The following CAP2 variants were observed in gnomAD, a reference collection of about 807,000 sequenced individuals.
CAP2 encodes adenylyl cyclase-associated protein 2.
CAP2 carries 24 observed loss-of-function variants against 57.7 expected under a neutral mutation model. That is an observed-to-expected ratio of 0.42 (90% CI 0.30 to 0.58). CAP2 has a LOEUF of 0.58. Among genes scored for constraint, CAP2 ranks in the 20% least tolerant of loss-of-function variants. The probability of loss-of-function intolerance (pLI) is 0.22; values close to 1 mark genes in which losing one functional copy is unlikely to be tolerated. For missense variants in CAP2, 501 were observed against 590.3 expected (o/e 0.85, Z 1.57); for synonymous variants, 194 against 207.2 (o/e 0.94, Z 0.55).
At chr6:17,411,686 A>G (rs1353421940) in intron 1 of CAP2, among the ~76,000 whole-genome samples, 1 of 152,188 alleles carries the variant, frequency 6.6e-6, no homozygotes, top group Non-Finnish European at 1.5e-5. Context: ...TTCTGGATAC[A>G]AGGGGAGTAA....
intron 7 of CAP2, among the ~76,000 whole-genome samples, chr6:17,534,398 A>G (rs1388980522): frequency 6.6e-6 from 1 of 152,182 alleles, no homozygotes; most frequent in Non-Finnish European, 1.5e-5. Context: ...CTATGGCTGC[A>G]GTTTCTCAAG....
intron 11 of CAP2, among the ~76,000 whole-genome samples, chr6:17,547,145 A>G (rs1421173366): frequency 6.6e-6 from 1 of 152,230 alleles, no homozygotes; most frequent in Non-Finnish European, 1.5e-5. Context: ...GACCTCTTCA[A>G]GGAGAACTAT....
At chr6:17,506,786 T>C (rs1457844928) in intron 4 of CAP2, among the ~76,000 whole-genome samples, 1 of 152,178 alleles carries the variant, frequency 6.6e-6, no homozygotes, top group Non-Finnish European at 1.5e-5. Context: ...CTTCCGGTCT[T>C]ACCCAAATTT....
intron 4 of CAP2, among the ~76,000 whole-genome samples, chr6:17,499,615 G>A (rs1481959927): frequency 1.3e-5 from 2 of 151,968 alleles, no homozygotes; most frequent in Non-Finnish European, 2.9e-5. Context: ...TTGAGAGGCT[G>A]GGGTGGGAGG....
intron 3 of CAP2, among the ~76,000 whole-genome samples, chr6:17,443,873 ATATGT>A (rs1561785611): frequency 6.6e-6 from 1 of 152,242 alleles, no homozygotes; most frequent in Non-Finnish European, 1.5e-5. Context: ...ATACACACAC[ATATGT>A]TATAACATAT....
At chr6:17,442,899 G>T (rs1394829690) in intron 3 of CAP2, among the ~76,000 whole-genome samples, 1 of 152,014 alleles carries the variant, frequency 6.6e-6, no homozygotes, top group Non-Finnish European at 1.5e-5. Flanking sequence ...TCTGCGTTTA[G>T]TAGAGATGGA....
intron 11 of CAP2, among the ~76,000 whole-genome samples, chr6:17,544,542 A>G (rs1273032698): frequency 1.4e-5 from 2 of 140,276 alleles, no homozygotes; most frequent in African/African-American, 5.0e-5. Context: ...TATAACTTCT[A>G]TCTTTTTTTT....
chr6:17,529,951 C>G (rs371707581), intron 7 of CAP2, among the ~76,000 whole-genome samples: 10 of 150,772 alleles, frequency 6.6e-5, no homozygotes. Context: ...CCCAGGAGTT[C>G]GAGACCAGCT....
chr6:17,459,064 A>G (rs1760655779), intron 3 of CAP2, among the ~76,000 whole-genome samples: 1 of 152,196 alleles, frequency 6.6e-6, no homozygotes, highest in African/African-American at 2.4e-5. Context: ...TCAGGAAAGG[A>G]GAATATGAAG....
chr6:17,438,433 GTTTTTT>G (rs773266583), intron 3 of CAP2, among the ~76,000 whole-genome samples: 2 of 58,374 alleles, frequency 3.4e-5, no homozygotes, highest in Non-Finnish European at 5.7e-5. Flanking sequence ...ATCCAGAAGT[GTTTTTT>G]TTTTTTTTTT....
At chr6:17,458,484 T>C (rs912795485) in intron 3 of CAP2, among the ~76,000 whole-genome samples, 2 of 152,346 alleles carry the variant, frequency 1.3e-5, no homozygotes, top group Admixed American at 6.5e-5. Flanking sequence ...TGACAAGGAA[T>C]GTTAGAAACA....
At chr6:17,407,339 T>G (rs1759004746) in intron 1 of CAP2, among the ~76,000 whole-genome samples, 1 of 151,986 alleles carries the variant, frequency 6.6e-6, no homozygotes, top group African/African-American at 2.4e-5. Context: ...TGAAGCTGGG[T>G]GTGGTGGCTC....
chr6:17,507,987 T>C (rs912632076), intron 6 of CAP2, among the ~76,000 whole-genome samples: 2 of 152,238 alleles, frequency 1.3e-5, no homozygotes, highest in African/African-American at 4.8e-5. Context: ...CATGTCACTA[T>C]CTTATGTATT....
chr6:17,406,077 C>A (rs1265630207), intron 1 of CAP2, among the ~76,000 whole-genome samples: 1 of 151,980 alleles, frequency 6.6e-6, no homozygotes, highest in African/African-American at 2.4e-5. Context: ...TTTGCAAAGC[C>A]TTTGGGACCG....
intron 4 of CAP2, among the ~76,000 whole-genome samples, chr6:17,486,117 G>A (rs552648473): frequency 4.0e-4 from 61 of 152,180 alleles, no homozygotes; most frequent in Non-Finnish European, 4.9e-4. Context: ...GGCTGAGGTC[G>A]GAGGACCCCT....
chr6:17,463,196 A>G, intron 4 of CAP2, 123 bp downstream of exon 4: 2 of 671,784 alleles, frequency 3.0e-6, no homozygotes. Flanking sequence ...CAGCACGTGT[A>G]TGTTCTGTCT....
intron 7 of CAP2, chr6:17,536,211 C>T (rs1375580781): frequency 4.4e-6 from 2 of 456,590 alleles, no homozygotes; most frequent in Non-Finnish European, 8.8e-6. Flanking sequence ...AGAAAGTTCT[C>T]CTGTCATGTG....
rs139477775 is a variant in CAP2 at position 17,482,453 on chromosome 6, A to G, written c.300+19380A>G. ...GAACCTGGGAGGCAGAAGTTGCAGT[A>G]AGCCGAGATCGCGCCACTGCACTGC... On this transcript the variant is annotated intron_variant, in intron 4 of 12. Transcript: ENST00000229922. Among the ~76,000 whole-genome samples, 469 of 147,390 alleles carry G rather than the reference A, an allele frequency of 3.2e-3. 8 individuals carry two copies. Among genetic ancestry groups the G allele is most frequent in the African/African-American group, 0.011 (439 of 39,516 alleles).
At chr6:17,481,733 A>G (rs888860717) in intron 4 of CAP2, among the ~76,000 whole-genome samples, 1 of 152,182 alleles carries the variant, frequency 6.6e-6, no homozygotes, top group African/African-American at 2.4e-5. Context: ...GTCTGAAAAT[A>G]TCCTTCTCTG....
Sources: allele counts gnomAD v4.1 joint callset (sites outside exome capture counted in the v4.1 genomes callset), GRCh38; gene constraint gnomAD v4.1.1; transcripts MANE v1.5; gene names NCBI Gene and HGNC (gene_info 2026-07-23, HGNC 2026-07-21).